Variants in UBASH3B observed in about 807,000 individuals in gnomAD.
The protein encoded by UBASH3B is ubiquitin associated and SH3 domain containing B.
In UBASH3B, 37 loss-of-function variants were observed where a neutral mutation model predicts 83.4. The ratio of observed to expected loss-of-function variants is 0.44; its 90% CI spans 0.34 to 0.58. The LOEUF is 0.58. UBASH3B is among the 20% of genes least tolerant of loss of function. UBASH3B has a pLI of 0.01. For synonymous variants in UBASH3B, 304 were observed against 318.3 expected, an observed-to-expected ratio of 0.96 and a Z score of 0.48; for missense variants, 657 against 827.2, an observed-to-expected ratio of 0.79 and a Z score of 2.52.
At chr11:122,661,666 T>C (rs1356749661) in intron 1 of UBASH3B, among the ~76,000 whole-genome samples, 1 of 152,172 alleles carries the variant, frequency 6.6e-6, no homozygotes, top group Non-Finnish European at 1.5e-5. Context: ...TTATGTGTAT[T>C]AGATACCCCA....
intron 5 of UBASH3B, among the ~76,000 whole-genome samples, chr11:122,787,756 A>G (rs1860979773): frequency 6.6e-6 from 1 of 152,196 alleles, no homozygotes; most frequent in African/African-American, 2.4e-5. Context: ...TGTCTCATTT[A>G]ACTTTTATGG....
intron 1 of UBASH3B, 197 bp from the exon 2 acceptor site, chr11:122,776,021 GA>G (rs1860726535): frequency 8.1e-6 from 4 of 492,760 alleles, no homozygotes; most frequent in Non-Finnish European, 1.4e-5. Flanking sequence ...TAATCACATG[GA>G]AATTAATTAC....
At chr11:122,742,379 T>C (rs1294388825) in intron 1 of UBASH3B, among the ~76,000 whole-genome samples, 1 of 152,242 alleles carries the variant, frequency 6.6e-6, no homozygotes, top group Non-Finnish European at 1.5e-5. Flanking sequence ...TTCCCCTGAG[T>C]CTAACCCATC....
chr11:122,729,532 A>G (rs546067878), intron 1 of UBASH3B, among the ~76,000 whole-genome samples: 1 of 152,334 alleles, frequency 6.6e-6, no homozygotes, highest in South Asian at 2.1e-4. Context: ...GATAAAGGCA[A>G]GTGATTATGT....
Position 122,806,376 on chromosome 11 carries a change from G to A in UBASH3B, c.1596-34G>A. 1.3e-6 allele frequency: 2 copies of A among 1,546,454 alleles called. No individual in the cohort carries two copies. The highest frequency in any genetic ancestry group is 1.8e-6 in the Non-Finnish European group (2 of 1,139,320). Reference sequence around the variant, plus strand: ...TCTTCCTTTGTCTCAAGATCAAAATGTTTTCATTTCCTTTGTTCATTTTTC... The same window carrying A: ...TCTTCCTTTGTCTCAAGATCAAAATATTTTCATTTCCTTTGTTCATTTTTC... On this transcript the variant is annotated intron_variant, in intron 11 of 13. Coordinates refer to ENST00000284273, the MANE Select transcript of UBASH3B (RefSeq NM_032873.5). The surrounding 1 kb of genome is among the most constrained non-coding windows in gnomAD (Gnocchi z 4.0).
At chr11:122,668,237 C>T (rs1863547390) in intron 1 of UBASH3B, among the ~76,000 whole-genome samples, 1 of 152,182 alleles carries the variant, frequency 6.6e-6, no homozygotes, top group Non-Finnish European at 1.5e-5. Flanking sequence ...ATCCTCCCAC[C>T]TCGGCCTCCC....
chr11:122,656,056 C>T lies in UBASH3B; in HGVS notation c.7C>T (p.Gln3Ter). The change falls in exon 1 of 14, where the codon CAG becomes TAG. Residue 3 changes from glutamine to a stop codon, truncating the protein, a stop_gained. Transcript: ENST00000284273. LOFTEE classifies it high-confidence loss of function. ...GATGGCTGGCCGCTGAGCCATGGCT[C>T]AGTACGGCCACCCCAGTCCGCTCGG... MA[Q>*]YGHPSPLGMA... The T allele has an allele frequency of 6.3e-7, 1 of 1,594,674 alleles. No homozygotes were observed. The highest frequency in any genetic ancestry group is 8.5e-7 in the Non-Finnish European group (1 of 1,172,028).
chr11:122,743,303 A>T lies in UBASH3B; in HGVS notation c.162-32916A>T, dbSNP rs185790638. On this transcript the variant is annotated intron_variant, in intron 1 of 13. Coordinates refer to ENST00000284273, the MANE Select transcript of UBASH3B (RefSeq NM_032873.5). The stretch of plus-strand genomic sequence containing the variant: ...TGATCACAGCTCACTGCAACCTCCA[A>T]CTCCAGGGCTCATGTGATCCTCCCA... Among the ~76,000 whole-genome samples the T allele has an allele frequency of 2.5e-3, 385 of 151,980 alleles. 1 individual carries two copies. The highest frequency in any genetic ancestry group is 9.0e-3 in the African/African-American group (371 of 41,428).
intron 1 of UBASH3B, among the ~76,000 whole-genome samples, chr11:122,658,769 G>A (rs1168328847): frequency 2.0e-5 from 3 of 152,208 alleles, no homozygotes; most frequent in Non-Finnish European, 4.4e-5. Flanking sequence ...AACAGTTCCT[G>A]GCACATAGTG....
chr11:122,726,526 T>C (rs1860745333), intron 1 of UBASH3B, among the ~76,000 whole-genome samples: 1 of 152,024 alleles, frequency 6.6e-6, no homozygotes. Context: ...ATTTTTGTAT[T>C]TTTAGTAGAG....
intron 1 of UBASH3B, among the ~76,000 whole-genome samples, chr11:122,726,511 G>T (rs539798194): frequency 6.6e-6 from 1 of 151,878 alleles, no homozygotes; most frequent in South Asian, 2.1e-4. Flanking sequence ...TACCATGCCC[G>T]GCTAATTTTT....
At chr11:122,748,731 G>A (rs1861158232) in intron 1 of UBASH3B, among the ~76,000 whole-genome samples, 3 of 152,150 alleles carry the variant, frequency 2.0e-5, no homozygotes, top group African/African-American at 7.2e-5. Context: ...GAGGCTAAAT[G>A]CAAGGCCTGC....
intron 1 of UBASH3B, among the ~76,000 whole-genome samples, chr11:122,764,932 A>AC (rs761337126): frequency 1.1e-4 from 17 of 152,148 alleles, no homozygotes; most frequent in Admixed American, 3.3e-4. Flanking sequence ...GTGGAACTGA[A>AC]CCTTTGCCAA....
Position 122,743,334 on chromosome 11 carries a change from C to T in UBASH3B, c.162-32885C>T, listed in dbSNP as rs903721496. Among the ~76,000 whole-genome samples, 4 of 152,248 alleles carry T rather than the reference C, an allele frequency of 2.6e-5. No individual in the cohort carries two copies. The South Asian group carries it at 6.2e-4, about 24-fold the overall frequency. On this transcript the variant is annotated intron_variant, in intron 1 of 13. Transcript: ENST00000284273. Reference sequence around the variant, plus strand: ...GGGCTCATGTGATCCTCCCACTCAGCCTCTCAAGTAGCTGGGACTACAGGC... The same window carrying T: ...GGGCTCATGTGATCCTCCCACTCAGTCTCTCAAGTAGCTGGGACTACAGGC...
chr11:122,734,507 T>C (rs914773435), intron 1 of UBASH3B, among the ~76,000 whole-genome samples: 1 of 152,210 alleles, frequency 6.6e-6, no homozygotes, highest in East Asian at 1.9e-4. Flanking sequence ...GAACTGGCTG[T>C]CCAGAAAAGC....
chr11:122,757,057 A>AAT (rs1861293329), intron 1 of UBASH3B, among the ~76,000 whole-genome samples: 1 of 152,206 alleles, frequency 6.6e-6, no homozygotes, highest in Admixed American at 6.5e-5. Flanking sequence ...ATCGTATCTT[A>AAT]ATATATATAC....
At chr11:122,748,652 C>T (rs1237070114) in intron 1 of UBASH3B, among the ~76,000 whole-genome samples, 1 of 152,176 alleles carries the variant, frequency 6.6e-6, no homozygotes, top group Non-Finnish European at 1.5e-5. Context: ...CTCCCGTCCA[C>T]AGAAGATTGT....
At chr11:122,739,315 T>C (rs1860987274) in intron 1 of UBASH3B, among the ~76,000 whole-genome samples, 1 of 152,156 alleles carries the variant, frequency 6.6e-6, no homozygotes, top group Non-Finnish European at 1.5e-5. Context: ...CTGTCCACAG[T>C]GTGTGGCTGG....
At chr11:122,738,830 T>C (rs911658145) in intron 1 of UBASH3B, among the ~76,000 whole-genome samples, 4 of 148,950 alleles carry the variant, frequency 2.7e-5, no homozygotes, top group African/African-American at 1.0e-4. Flanking sequence ...GAGGTTGTGG[T>C]GAGCCGAGAT....
Sources: gnomAD v4.1 joint callset for allele counts (sites outside exome capture counted in the v4.1 genomes callset) on GRCh38, gnomAD v4.1.1 for gene constraint, Gnocchi (gnomAD v3.1) non-coding constraint, MANE v1.5 for transcripts, NCBI Gene and HGNC (gene_info 2026-07-23, HGNC 2026-07-21) for gene names.